STON2: variants seen among roughly 807,000 people sequenced by gnomAD.
STON2 encodes stonin-2.
STON2 carries 29 observed loss-of-function variants against 65.7 expected under a neutral mutation model. The observed-to-expected ratio is 0.44, with a 90% CI of 0.33 to 0.60. The LOEUF is 0.60. Ranked by LOEUF, STON2 falls within the 20% of genes least tolerant of loss-of-function variation. The pLI is 0.03. For missense variants in STON2, 1,054 were observed against 1,118.1 expected, an observed-to-expected ratio of 0.94 and a Z score of 0.82; for synonymous variants, 404 against 414.2, an observed-to-expected ratio of 0.98 and a Z score of 0.30.
chr14:81,424,167 G>C (rs1901852172), intron 2 of STON2, among the ~76,000 whole-genome samples: 1 of 152,118 alleles, frequency 6.6e-6, no homozygotes, highest in Non-Finnish European at 1.5e-5. Context: ...TTCCTAATCA[G>C]GCACGGTGGC....
At chr14:81,426,336 A>C (rs370578113) in intron 2 of STON2, among the ~76,000 whole-genome samples, 1 of 152,246 alleles carries the variant, frequency 6.6e-6, no homozygotes, top group Non-Finnish European at 1.5e-5. Flanking sequence ...AGAAAAGCAC[A>C]AACTAGAAAC....
At chr14:81,293,755 G>T (rs769055577) in intron 5 of STON2, among the ~76,000 whole-genome samples, 1 of 152,126 alleles carries the variant, frequency 6.6e-6, no homozygotes, top group Non-Finnish European at 1.5e-5. Flanking sequence ...ACCATAGGGA[G>T]AATCAAGACA....
intron 4 of STON2, among the ~76,000 whole-genome samples, chr14:81,330,918 A>G (rs61978920): frequency 2.3e-3 from 348 of 152,344 alleles, no homozygotes; most frequent in Non-Finnish European, 3.7e-3. Context: ...AAGTTAGTGC[A>G]AGGAAGGAAG....
rs1299503091 is a variant in STON2, at chr14:81,264,939, C to T, written c.*3475G>A. On this transcript the variant is annotated 3_prime_UTR_variant, in exon 8 of 8. Coordinates refer to ENST00000614646, the MANE Select transcript of STON2 (RefSeq NM_001394390.1). ...TTTTGCTGTAAAGTCAAAAAGCAGG[C>T]CCTAGACTCAAAAGAAAGCACAGCT... 1.0e-6 allele frequency: 1 copy of T among 985,178 alleles called. No homozygotes were observed. Among genetic ancestry groups the T allele is most frequent in the South Asian group, 4.7e-5 (1 of 21,282 alleles). 61.0% of individuals were successfully genotyped at this position (985,178 alleles called of 1,614,324 possible). A position where few individuals can be genotyped will look rare whatever the true frequency, so the allele number is the denominator to read the frequency against.
At chr14:81,271,200 A>G (rs1894577352) in intron 6 of STON2, among the ~76,000 whole-genome samples, 1 of 152,216 alleles carries the variant, frequency 6.6e-6, no homozygotes, top group African/African-American at 2.4e-5. Context: ...AGGGGTAAGG[A>G]TGTGAAGAAT....
At chr14:81,346,175 C>T (rs1281581731) in intron 4 of STON2, among the ~76,000 whole-genome samples, 1 of 152,170 alleles carries the variant, frequency 6.6e-6, no homozygotes, top group African/African-American at 2.4e-5. Context: ...CATTAACTCT[C>T]ATTTTTTGGG....
rs539852696 is a variant in STON2 at position 81,263,453 on chromosome 14, A to G, written c.*4961T>C. On this transcript the variant is annotated 3_prime_UTR_variant, in exon 8 of 8. Transcript: ENST00000614646. ...CTCGGGAGGTTGAGGCAGGAGAATC[A>G]CTTGAACCCGGGAGGCGGAGGTTGC... Among the ~76,000 whole-genome samples, 1 of 141,636 alleles carries G rather than the reference A, an allele frequency of 7.1e-6. No homozygotes were observed. Among genetic ancestry groups the G allele is most frequent in the Admixed American group, 7.9e-5 (1 of 12,608 alleles). 92.9% of individuals were successfully genotyped at this position (141,636 alleles called of 152,430 possible).
At chr14:81,275,443 C>T (rs542462521) in intron 6 of STON2, among the ~76,000 whole-genome samples, 2 of 152,060 alleles carry the variant, frequency 1.3e-5, no homozygotes, top group South Asian at 2.1e-4. Context: ...CTTGAAAATC[C>T]GGTAATTCCA....
intron 4 of STON2, among the ~76,000 whole-genome samples, chr14:81,368,551 T>C (rs1898841158): frequency 6.6e-6 from 1 of 152,050 alleles, no homozygotes; most frequent in African/African-American, 2.4e-5. Context: ...CTGTCTCTAC[T>C]AAAATAACAA....
At chr14:81,345,639 T>C (rs1192393769) in intron 4 of STON2, among the ~76,000 whole-genome samples, 1 of 152,078 alleles carries the variant, frequency 6.6e-6, no homozygotes, top group African/African-American at 2.4e-5. Context: ...CACATTCTTG[T>C]AGTCCCAGCT....
chr14:81,400,636 G>A (rs192427364), upstream of STON2, among the ~76,000 whole-genome samples: 120 of 152,154 alleles, frequency 7.9e-4, no homozygotes, highest in Non-Finnish European at 1.3e-3. Context: ...CGAAGGTGAA[G>A]GTAAGAGGAA....
At chr14:81,304,710 AGAGT>A (rs1896106584) in intron 5 of STON2, among the ~76,000 whole-genome samples, 1 of 152,176 alleles carries the variant, frequency 6.6e-6, no homozygotes, top group Non-Finnish European at 1.5e-5. Flanking sequence ...CCTGGGTGAC[AGAGT>A]GAGACTGTCA....
At position 81,265,058 on chromosome 14, in the gene STON2, C is replaced by T; in HGVS notation, c.*3356G>A. On this transcript the variant is annotated 3_prime_UTR_variant, in exon 8 of 8. Transcript: ENST00000614646. ...TTTAATATTTTCACATTATTGATAA[C>T]AAAGATTATTTGTGACCACAAAAAA... 1.0e-6 allele frequency: 1 copy of T among 978,726 alleles called. No homozygotes were observed. The highest frequency in any genetic ancestry group is 1.2e-6 in the Non-Finnish European group (1 of 825,246). The allele number at this position is 978,726 out of a possible 1,614,324, so 60.6% of individuals were successfully genotyped here. A position where few individuals can be genotyped will look rare whatever the true frequency, so the allele number is the denominator to read the frequency against.
At chr14:81,414,145 C>T (rs1440801052) in intron 2 of STON2, among the ~76,000 whole-genome samples, 1 of 138,802 alleles carries the variant, frequency 7.2e-6, no homozygotes, top group Non-Finnish European at 1.5e-5. Flanking sequence ...GATAGTCCCA[C>T]TGACCGGGAT....
chr14:81,315,962 G>A (rs1566905198), intron 5 of STON2, among the ~76,000 whole-genome samples: 1 of 152,184 alleles, frequency 6.6e-6, no homozygotes, highest in Non-Finnish European at 1.5e-5. Context: ...ATCAGTTGGA[G>A]CAGACCCTAT....
At chr14:81,418,436 G>A (rs1035658061) in intron 2 of STON2, among the ~76,000 whole-genome samples, 1 of 152,120 alleles carries the variant, frequency 6.6e-6, no homozygotes, top group Non-Finnish European at 1.5e-5. Context: ...AACTGTATCA[G>A]AAAGCGACAA....
At position 81,277,871 on chromosome 14, in the gene STON2, A is replaced by G. The variant is rs1199057280; in HGVS notation, c.1611T>C (p.His537=). The change falls in exon 6 of 8, where the codon CAT becomes CAC. Residue 537 remains histidine, a synonymous_variant. Transcript: ENST00000614646. ...PFREFKLEIC[H]EISEPRLQNY... The stretch of plus-strand genomic sequence containing the variant: ...TTTGAAGCCGGGGTTCTGAAATCTC[A>G]TGACAGATCTCCAGCTTGAACTCAC... 1.2e-6 allele frequency: 2 copies of G among 1,614,182 alleles called. No homozygotes were observed. Among genetic ancestry groups the G allele is most frequent in the Non-Finnish European group, 1.7e-6 (2 of 1,180,036 alleles).
At chr14:81,322,065 A>G (rs886179956) in intron 5 of STON2, among the ~76,000 whole-genome samples, 4 of 152,132 alleles carry the variant, frequency 2.6e-5, no homozygotes, top group African/African-American at 9.7e-5. Context: ...AGTACCCCCT[A>G]ATAAAAACCT....
chr14:81,407,372 A>C (rs1464599894), intron 2 of STON2, among the ~76,000 whole-genome samples: 1 of 152,254 alleles, frequency 6.6e-6, no homozygotes, highest in Non-Finnish European at 1.5e-5. Flanking sequence ...ACTCAGCCAT[A>C]TAGATTAATT....
Sources: gnomAD v4.1 joint callset for allele counts (sites outside exome capture counted in the v4.1 genomes callset) on GRCh38, gnomAD v4.1.1 for gene constraint, MANE v1.5 for transcripts, NCBI Gene and HGNC (gene_info 2026-07-23, HGNC 2026-07-21) for gene names.